Variants in WASF1 observed in about 807,000 individuals in gnomAD.
The protein encoded by WASF1 is actin-binding protein WASF1.
WASF1 carries 7 observed loss-of-function variants against 50.5 expected under a neutral mutation model. That is an observed-to-expected ratio of 0.14 (90% CI 0.08 to 0.26). The LOEUF (loss-of-function observed/expected upper bound fraction) is 0.26. Among genes scored for constraint, WASF1 ranks in the 10% least tolerant of loss-of-function variants. WASF1 has a pLI of 1.00. For synonymous variants in WASF1, 205 were observed against 244.0 expected (o/e 0.84, Z 1.49); for missense variants, 470 against 694.7 (o/e 0.68, Z 3.64).
chr6:110,121,770 A>T (rs1414073917), intron 4 of WASF1, among the ~76,000 whole-genome samples: 1 of 152,252 alleles, frequency 6.6e-6, no homozygotes, highest in African/African-American at 2.4e-5. Context: ...AATAGTAAAG[A>T]CTTGGAACCA....
intron 4 of WASF1, among the ~76,000 whole-genome samples, chr6:110,119,845 A>G (rs1378100631): frequency 6.6e-6 from 1 of 152,220 alleles, no homozygotes. Context: ...ATCCACCATG[A>G]TCAAGTCAGC....
intron 4 of WASF1, among the ~76,000 whole-genome samples, chr6:110,114,410 A>C (rs1415094346): frequency 6.6e-6 from 1 of 152,182 alleles, no homozygotes; most frequent in Non-Finnish European, 1.5e-5. Flanking sequence ...ACTTAAGGGC[A>C]ATTATAAAAA....
At chr6:110,110,648 A>G (rs973726261) in intron 5 of WASF1, among the ~76,000 whole-genome samples, 1 of 152,216 alleles carries the variant, frequency 6.6e-6, no homozygotes, top group South Asian at 2.1e-4. Context: ...ATAGAATTAT[A>G]AAGCAATAAA....
chr6:110,160,328 G>A (rs890931360), intron 3 of WASF1, among the ~76,000 whole-genome samples: 6 of 151,750 alleles, frequency 4.0e-5, no homozygotes, highest in Admixed American at 6.6e-5. Flanking sequence ...ATGAGGATTC[G>A]GGTTTTAGAC....
intron 3 of WASF1, among the ~76,000 whole-genome samples, chr6:110,139,320 G>A (rs1282243676): frequency 6.6e-6 from 1 of 152,216 alleles, no homozygotes; most frequent in Non-Finnish European, 1.5e-5. Context: ...GGCTGCAGTT[G>A]TGCCCAGTAG....
intron 2 of WASF1, among the ~76,000 whole-genome samples, chr6:110,176,990 T>A (rs1776957249): frequency 6.6e-6 from 1 of 152,110 alleles, no homozygotes; most frequent in African/African-American, 2.4e-5. Flanking sequence ...TACTATGTAC[T>A]GTGATAATGA....
At chr6:110,122,956 GA>G (rs893258323) in intron 4 of WASF1, among the ~76,000 whole-genome samples, 2 of 149,348 alleles carry the variant, frequency 1.3e-5, no homozygotes, top group African/African-American at 2.5e-5. Context: ...ACAAAGTGGG[GA>G]AAAAAAAAGA....
rs3828928 is a variant in WASF1, at chr6:110,104,137, C to A, written c.714-580G>T. On this transcript the variant is annotated intron_variant, in intron 8 of 10. Coordinates refer to ENST00000392589, the MANE Select transcript of WASF1 (RefSeq NM_003931.3). Reference sequence around the variant, plus strand: ...GGGTACTCAGAAAATAGCTGAGTAACATAGCAACATGTGACTTAGATGTAA... The same window carrying A: ...GGGTACTCAGAAAATAGCTGAGTAAAATAGCAACATGTGACTTAGATGTAA... Among the ~76,000 whole-genome samples the A allele has an allele frequency of 3.3e-5, 5 of 151,980 alleles. No individual in the cohort carries two copies. In the South Asian group the frequency reaches 6.3e-4, roughly 19 times the overall value.
chr6:110,143,009 T>G (rs188223972), intron 3 of WASF1, among the ~76,000 whole-genome samples: 157 of 150,092 alleles, frequency 1.0e-3, no homozygotes, highest in African/African-American at 3.7e-3. Flanking sequence ...TTTATTTTCC[T>G]GTGTTCTTAT....
At chr6:110,146,073 G>A (rs914456734) in intron 3 of WASF1, among the ~76,000 whole-genome samples, 1 of 151,888 alleles carries the variant, frequency 6.6e-6, no homozygotes. Context: ...CATGGCACAC[G>A]TATACATATG....
At chr6:110,125,872 G>A (rs1020962774) in intron 4 of WASF1, among the ~76,000 whole-genome samples, 7 of 152,076 alleles carry the variant, frequency 4.6e-5, no homozygotes, top group Admixed American at 3.9e-4. Context: ...GATAGATGTT[G>A]CTTATATGGA....
chr6:110,138,987 A>C (rs1274177878), intron 3 of WASF1, among the ~76,000 whole-genome samples: 4 of 152,206 alleles, frequency 2.6e-5, no homozygotes, highest in African/African-American at 9.6e-5. Flanking sequence ...CAGGCTGTTC[A>C]TGCTGAGAGA....
chr6:110,122,682 C>T (rs1159308520), intron 4 of WASF1, among the ~76,000 whole-genome samples: 2 of 152,114 alleles, frequency 1.3e-5, no homozygotes, highest in African/African-American at 2.4e-5. Flanking sequence ...TTCTTAATAA[C>T]ATATTCTTTT....
chr6:110,178,098 C>T (rs1349384268), intron 2 of WASF1, among the ~76,000 whole-genome samples: 2 of 151,234 alleles, frequency 1.3e-5, no homozygotes. Context: ...AAAATAAAAT[C>T]AGATAAATTA....
At chr6:110,155,825 T>C (rs1439721536) in intron 3 of WASF1, among the ~76,000 whole-genome samples, 1 of 13,834 alleles carries the variant, frequency 7.2e-5, no homozygotes, top group Non-Finnish European at 1.3e-4. Flanking sequence ...GTTCTTGCAA[T>C]AGTTTACTGA....
chr6:110,113,399 T>A lies in WASF1; in HGVS notation c.195A>T (p.Arg65Ser). The change falls in exon 5 of 11, where the codon AGA (arginine) becomes AGT (serine). Residue 65 changes from arginine to serine, a missense_variant. Physicochemically the swap from Arg to Ser is moderately radical, Grantham distance 110 (BLOSUM62 -1). This residue lies in a region of WASF1 where 140 missense variants were observed against 260.5 expected (regional missense o/e 0.54). Transcript: ENST00000392589. ...LFNEAHSFSF[R>S]VNSLQERVDR... Reference sequence around the variant, plus strand: ...CCACACGTTCTTGCAATGAGTTGACTCTGAAGGAAAAACTATGTGCTTCAT... The same window carrying A: ...CCACACGTTCTTGCAATGAGTTGACACTGAAGGAAAAACTATGTGCTTCAT... 3 of 1,605,784 alleles carry A rather than the reference T, an allele frequency of 1.9e-6. No individual in the cohort carries two copies. Among genetic ancestry groups the A allele is most frequent in the Non-Finnish European group, 2.6e-6 (3 of 1,176,454 alleles).
chr6:110,144,060 C>G (rs1029315991), intron 3 of WASF1, among the ~76,000 whole-genome samples: 4 of 152,126 alleles, frequency 2.6e-5, no homozygotes, highest in Non-Finnish European at 5.9e-5. Flanking sequence ...AATGGTTGAA[C>G]TAGTTTACAG....
intron 3 of WASF1, among the ~76,000 whole-genome samples, chr6:110,152,814 A>T (rs1412823015): frequency 6.6e-6 from 1 of 152,172 alleles, no homozygotes; most frequent in African/African-American, 2.4e-5. Context: ...TACTGGTGTA[A>T]AATTTGATTA....
chr6:110,114,788 T>C (rs1334123625), intron 4 of WASF1, among the ~76,000 whole-genome samples: 1 of 150,882 alleles, frequency 6.6e-6, no homozygotes, highest in Non-Finnish European at 1.5e-5. Flanking sequence ...AGTTTCCATG[T>C]ATGCTGCTTG....
Sources: gnomAD v4.1 joint callset for allele counts (sites outside exome capture counted in the v4.1 genomes callset) on GRCh38, gnomAD v4.1.1 for gene constraint, gnomAD v4.1.1 regional missense constraint, MANE v1.5 for transcripts, NCBI Gene and HGNC (gene_info 2026-07-23, HGNC 2026-07-21) for gene names.